PID1: variants seen among roughly 807,000 people sequenced by gnomAD.
PID1 encodes the protein phosphotyrosine interaction domain containing 1, also known as PTB-containing, cubilin and LRP1-interacting protein.
PID1 carries 10 observed loss-of-function variants against 19.1 expected under a neutral mutation model. That is an observed-to-expected ratio of 0.52 (90% CI 0.32 to 0.89). PID1 has a LOEUF of 0.89. PID1 is among the 40% of genes least tolerant of loss of function. PID1 has a pLI of 0.03. For missense variants in PID1, 248 were observed against 285.3 expected, an observed-to-expected ratio of 0.87 and a Z score of 0.94; for synonymous variants, 130 against 116.0, an observed-to-expected ratio of 1.12 and a Z score of -0.78.
chr2:229,054,762 C>T (rs7585631), intron 2 of PID1, among the ~76,000 whole-genome samples: 67,828 of 132,554 alleles, frequency 0.51, 18,407 homozygotes, highest in East Asian at 0.68. Flanking sequence ...TGTACATTCA[C>T]TTCAATATTC....
chr2:229,232,782 CACATAAAT>C (rs1440812790), intron 1 of PID1, among the ~76,000 whole-genome samples: 2 of 99,238 alleles, frequency 2.0e-5, no homozygotes, highest in African/African-American at 8.1e-5. Context: ...TACACACACA[CACATAAAT>C]ATATATATAT....
intron 2 of PID1, among the ~76,000 whole-genome samples, chr2:229,055,025 G>A (rs1205393480): frequency 6.6e-6 from 1 of 152,172 alleles, no homozygotes; most frequent in Non-Finnish European, 1.5e-5. Flanking sequence ...AAATGAAGAG[G>A]AGGGAGAACA....
intron 1 of PID1, among the ~76,000 whole-genome samples, chr2:229,225,506 G>A (rs1370929901): frequency 6.6e-6 from 1 of 152,120 alleles, no homozygotes; most frequent in African/African-American, 2.4e-5. Context: ...TCCAGGGCCA[G>A]GGTGTATTCA....
intron 1 of PID1, among the ~76,000 whole-genome samples, chr2:229,263,261 T>C (rs1176460776): frequency 6.6e-6 from 1 of 152,206 alleles, no homozygotes; most frequent in Admixed American, 6.5e-5. Flanking sequence ...TCCAAGTCCT[T>C]CCATCTTATC....
At chr2:229,139,640 G>A (rs1456418578) in intron 2 of PID1, among the ~76,000 whole-genome samples, 1 of 152,128 alleles carries the variant, frequency 6.6e-6, no homozygotes, top group African/African-American at 2.4e-5. Flanking sequence ...GTCTGCCCTA[G>A]CTAATGAACC....
chr2:229,030,749 TC>T (rs1178603201), intron 2 of PID1, among the ~76,000 whole-genome samples: 2 of 152,190 alleles, frequency 1.3e-5, no homozygotes, highest in Non-Finnish European at 2.9e-5. Flanking sequence ...GAAAATATCT[TC>T]CTCTTTATAA....
At chr2:229,254,241 A>G (rs1690231372) in intron 1 of PID1, among the ~76,000 whole-genome samples, 1 of 152,172 alleles carries the variant, frequency 6.6e-6, no homozygotes, top group Non-Finnish European at 1.5e-5. Flanking sequence ...AAATCAGGGT[A>G]TTGTTACCAG....
intron 2 of PID1, among the ~76,000 whole-genome samples, chr2:229,140,221 T>C (rs182621047): frequency 6.6e-6 from 1 of 152,174 alleles, no homozygotes; most frequent in Admixed American, 6.5e-5. Context: ...TTACTAATGC[T>C]TAATACATAG....
chr2:229,030,930 G>A (rs1483436459), intron 2 of PID1, among the ~76,000 whole-genome samples: 1 of 152,028 alleles, frequency 6.6e-6, no homozygotes, highest in Non-Finnish European at 1.5e-5. Flanking sequence ...AAGAAATACT[G>A]TTAATGGCCG....
At chr2:229,075,983 C>G (rs1222083251) in intron 2 of PID1, among the ~76,000 whole-genome samples, 1 of 152,158 alleles carries the variant, frequency 6.6e-6, no homozygotes, top group Non-Finnish European at 1.5e-5. Flanking sequence ...TTCCCTGATT[C>G]ACTTCCAGAA....
chr2:229,048,154 C>T (rs1010138744), intron 2 of PID1, among the ~76,000 whole-genome samples: 1 of 152,172 alleles, frequency 6.6e-6, no homozygotes, highest in African/African-American at 2.4e-5. Flanking sequence ...GTTACAACAG[C>T]ATGGTATAGG....
intron 2 of PID1, among the ~76,000 whole-genome samples, chr2:229,075,330 A>G (rs907588905): frequency 6.6e-6 from 1 of 152,204 alleles, no homozygotes; most frequent in African/African-American, 2.4e-5. Flanking sequence ...ATATGCATTG[A>G]GAGATTTTAT....
At chr2:229,156,039 C>A (rs1204222206) in intron 1 of PID1, 75 bp from the exon 2 acceptor site, 2 of 1,365,672 alleles carry the variant, frequency 1.5e-6, no homozygotes, top group Admixed American at 1.9e-5. Context: ...ACATTAAACC[C>A]AGTAGCAACT....
chr2:229,256,237 G>A (rs888722975), intron 1 of PID1, among the ~76,000 whole-genome samples: 1 of 152,240 alleles, frequency 6.6e-6, no homozygotes, highest in Middle Eastern at 3.4e-3. Context: ...CTCAGTGGTC[G>A]CTATTTGAAA....
At chr2:229,221,747 G>A (rs1035249122) in intron 1 of PID1, among the ~76,000 whole-genome samples, 1 of 152,148 alleles carries the variant, frequency 6.6e-6, no homozygotes, top group African/African-American at 2.4e-5. Flanking sequence ...AGAAACACAG[G>A]ATGCCTCTTG....
intron 2 of PID1, among the ~76,000 whole-genome samples, chr2:229,062,253 G>A (rs914037768): frequency 1.3e-5 from 2 of 151,848 alleles, no homozygotes; most frequent in Non-Finnish European, 2.9e-5. Flanking sequence ...TTATGTGGAG[G>A]TACATTCCTT....
chr2:229,074,488 G>A (rs1264165248), intron 2 of PID1, among the ~76,000 whole-genome samples: 1 of 152,124 alleles, frequency 6.6e-6, no homozygotes, highest in Non-Finnish European at 1.5e-5. Flanking sequence ...GCTTTTAAAT[G>A]TAGTATTCTT....
intron 1 of PID1, among the ~76,000 whole-genome samples, chr2:229,187,966 C>T (rs778786037): frequency 3.9e-5 from 6 of 152,170 alleles, no homozygotes; most frequent in African/African-American, 7.2e-5. Context: ...TACATACAGA[C>T]TGGTACCACT....
chr2:229,031,490 G>A (rs1220940094), intron 2 of PID1, among the ~76,000 whole-genome samples: 2 of 151,324 alleles, frequency 1.3e-5, no homozygotes, highest in African/African-American at 2.4e-5. Flanking sequence ...TGAAGGAGGC[G>A]GAGGTTGCAG....
Sources: gnomAD v4.1 joint callset for allele counts (sites outside exome capture counted in the v4.1 genomes callset) on GRCh38, gnomAD v4.1.1 for gene constraint, MANE v1.5 for transcripts, NCBI Gene and HGNC (gene_info 2026-07-23, HGNC 2026-07-21) for gene names.